MYCBP2: variants seen among roughly 807,000 people sequenced by gnomAD.
MYCBP2 encodes the protein E3 ubiquitin-protein ligase MYCBP2.
MYCBP2 carries 120 observed loss-of-function variants against 525.3 expected under a neutral mutation model. The ratio of observed to expected loss-of-function variants is 0.23; its 90% CI spans 0.20 to 0.27. MYCBP2 has a LOEUF of 0.27. Among genes scored for constraint, MYCBP2 ranks in the 10% least tolerant of loss-of-function variants. The pLI is 1.00. For synonymous variants in MYCBP2, 1,894 were observed against 1,955.8 expected, an observed-to-expected ratio of 0.97 and a Z score of 0.83; for missense variants, 4,149 against 5,657.1, an observed-to-expected ratio of 0.73 and a Z score of 8.55.
chr13:77,260,749 A>G (rs1253198598), intron 12 of MYCBP2, among the ~76,000 whole-genome samples, 157 bp from the exon 13 acceptor site: 1 of 152,168 alleles, frequency 6.6e-6, no homozygotes, highest in Non-Finnish European at 1.5e-5. Context: ...ATGTCATTTA[A>G]AATCAGTGAA....
In MYCBP2 at chr13:77,176,642, ATG is replaced by A; in HGVS notation, c.5341-16_5341-15del. 1 of 1,478,060 alleles carries A rather than the reference ATG, an allele frequency of 6.8e-7. No individual in the cohort carries two copies. The highest frequency in any genetic ancestry group is 9.1e-7 in the Non-Finnish European group (1 of 1,104,612). 91.6% of individuals were successfully genotyped at this position (1,478,060 alleles called of 1,614,324 possible). On this transcript the variant is annotated splice_polypyrimidine_tract_variant and intron_variant, in intron 35 of 82. Coordinates refer to ENST00000544440, the MANE Select transcript of MYCBP2 (RefSeq NM_015057.5). ...TGCATGTTCACTCTAAAAAAAAAAA[ATG>A]AAACACAAAAATTCCAACAGACTCT...
At position 77,062,645 on chromosome 13, in the gene MYCBP2, C is replaced by T; in HGVS notation, c.12725G>A (p.Arg4242His). The change falls in exon 74 of 83, where the codon CGT becomes CAT. Residue 4242 changes from arginine (R) to histidine (H), a missense_variant. Arg to His is a conservative substitution (Grantham distance 29, BLOSUM62 0). Around this residue, in one of 21 missense-constraint regions of MYCBP2, gnomAD observed 220 missense variants for 396.0 expected, o/e 0.56. Transcript: ENST00000544440. ...LCVLDQDHVD[R>H]LSSGRWMGKD... ...TCCCATCCATCTCCCCGAGGAGAGA[C>T]GATCTACGTGGTCCTGATCAAGAAC... is the stretch of plus-strand genomic sequence containing the variant. The T allele has an allele frequency of 6.2e-7, 1 of 1,614,186 alleles. No individual in the cohort carries two copies. Among genetic ancestry groups the T allele is most frequent in the Non-Finnish European group, 8.5e-7 (1 of 1,180,024 alleles).
intron 72 of MYCBP2, 80 bp downstream of exon 72, chr13:77,065,912 C>T (rs1200519893): frequency 6.5e-6 from 6 of 926,076 alleles, no homozygotes; most frequent in Admixed American, 4.3e-5. Flanking sequence ...TCTACATCTC[C>T]TATCAATTCA....
At chr13:77,070,588 A>G in intron 69 of MYCBP2, 43 bp downstream of exon 69, 1 of 1,383,962 alleles carries the variant, frequency 7.2e-7, no homozygotes, top group Non-Finnish European at 1.0e-6. Flanking sequence ...ACACACACAC[A>G]CACACAAAAC....
Position 77,057,079 on chromosome 13 carries a change from G to A in MYCBP2, c.13344C>T (p.His4448=). The change falls in exon 79 of 83, where the codon CAC becomes CAT. Residue 4448 remains histidine (H), a synonymous_variant. Transcript: ENST00000544440. ...GCCGACAGCACTGTAAGTGGAATATGTGACTACAATCCAGCTTAAATAAAC... is the reference window on the plus strand; with the variant it reads ...GCCGACAGCACTGTAAGTGGAATATATGACTACAATCCAGCTTAAATAAAC... The part of the protein sequence containing the change: ...AAPAIQLDCS[H]IFHLQCCRRV... 1 of 1,612,402 alleles carries A rather than the reference G, an allele frequency of 6.2e-7. No homozygotes were observed. Among genetic ancestry groups the A allele is most frequent in the Non-Finnish European group, 8.5e-7 (1 of 1,178,596 alleles).
intron 1 of MYCBP2, among the ~76,000 whole-genome samples, chr13:77,305,257 A>G (rs2079262259): frequency 6.6e-6 from 1 of 152,102 alleles, no homozygotes; most frequent in Non-Finnish European, 1.5e-5. Flanking sequence ...AGAAGCAAAA[A>G]TACTGCACAG....
At position 77,168,456 on chromosome 13, in the gene MYCBP2, T is replaced by C; in HGVS notation, c.6086A>G (p.Tyr2029Cys). Residue 2029 changes from tyrosine to cysteine, a missense_variant, in exon 40 of 83, where the codon TAT becomes TGT. This residue lies in a region of MYCBP2 where 692 missense variants were observed against 852.7 expected (regional missense o/e 0.81). Coordinates refer to ENST00000544440, the MANE Select transcript of MYCBP2 (RefSeq NM_015057.5). ...HYAVIESEHP[Y>C]KPACVMHYKV... Reference sequence around the variant, plus strand: ...GTAATGCATCACACAGGCAGGTTTATACGGGTGCTCACTCTCTATGACAGC... The same window carrying C: ...GTAATGCATCACACAGGCAGGTTTACACGGGTGCTCACTCTCTATGACAGC... 6.2e-7 allele frequency: 1 copy of C among 1,614,166 alleles called. No individual in the cohort carries two copies. Among genetic ancestry groups the C allele is most frequent in the Non-Finnish European group, 8.5e-7 (1 of 1,180,036 alleles).
chr13:77,298,611 C>CAA (rs1205089131), intron 1 of MYCBP2, among the ~76,000 whole-genome samples: 1 of 152,126 alleles, frequency 6.6e-6, no homozygotes, highest in Non-Finnish European at 1.5e-5. Context: ...ATGCCTTACT[C>CAA]AGAGATTAAA....
Position 77,068,782 on chromosome 13 carries a change from C to A in MYCBP2, c.11954G>T (p.Arg3985Leu), listed in dbSNP as rs775792091. Residue 3985 changes from arginine (R) to leucine (L), a missense_variant, in exon 70 of 83, where the codon CGT becomes CTT. By Grantham distance (102) the Arg-to-Leu change is moderately radical (BLOSUM62 -2). Coordinates refer to ENST00000544440, the MANE Select transcript of MYCBP2 (RefSeq NM_015057.5). ...TGATATAGCATGTTCCCATTCTTCA[C>A]GGACTCTGGTAGCTTCCATGCGAAT... Reference protein sequence around the residue: ...QAIRMEATRVREEWEHAISSK... With the variant: ...QAIRMEATRVLEEWEHAISSK... 1.9e-6 allele frequency: 3 copies of A among 1,614,112 alleles called. No individual in the cohort carries two copies. Among genetic ancestry groups the A allele is most frequent in the South Asian group, 1.1e-5 (1 of 91,082 alleles).
chr13:77,087,145 A>C (rs1302255573), intron 62 of MYCBP2, among the ~76,000 whole-genome samples: 1 of 152,190 alleles, frequency 6.6e-6, no homozygotes, highest in Non-Finnish European at 1.5e-5. Flanking sequence ...AATGCCATTC[A>C]CATAATTTCA....
At chr13:77,138,003 A>C (rs2054020349) in intron 52 of MYCBP2, among the ~76,000 whole-genome samples, 1 of 152,246 alleles carries the variant, frequency 6.6e-6, no homozygotes, top group Non-Finnish European at 1.5e-5. Flanking sequence ...ACACTTTCAT[A>C]GAGGGTCAAA....
At chr13:77,254,712 C>G (rs2071853467) in intron 14 of MYCBP2, among the ~76,000 whole-genome samples, 1 of 151,724 alleles carries the variant, frequency 6.6e-6, no homozygotes, top group African/African-American at 2.4e-5. Flanking sequence ...TATTCCTTCT[C>G]TCTAACTGTA....
intron 1 of MYCBP2, among the ~76,000 whole-genome samples, chr13:77,314,934 A>AT (rs1031352893): frequency 1.3e-5 from 2 of 152,012 alleles, no homozygotes; most frequent in Non-Finnish European, 2.9e-5. Flanking sequence ...TTAAAAAAAT[A>AT]TTTTTTTTAA....
At chr13:77,051,487 TCTCACAGATGTA>T (rs2036807344) in intron 81 of MYCBP2, among the ~76,000 whole-genome samples, 1 of 152,240 alleles carries the variant, frequency 6.6e-6, no homozygotes, top group Non-Finnish European at 1.5e-5. Flanking sequence ...TCTCTTATAA[TCTCACAGATGTA>T]CTGTGAACAT....
intron 2 of MYCBP2, among the ~76,000 whole-genome samples, chr13:77,292,530 TA>T (rs35251022): frequency 2.7e-5 from 4 of 149,702 alleles, no homozygotes; most frequent in African/African-American, 4.9e-5. Flanking sequence ...ACACCAGATT[TA>T]AAAAAAAAAG....
chr13:77,324,562 G>T (rs1010407064), intron 1 of MYCBP2, among the ~76,000 whole-genome samples: 1 of 152,202 alleles, frequency 6.6e-6, no homozygotes, highest in East Asian at 1.9e-4. Context: ...ATAATGTTGC[G>T]TTGAACAAGC....
At chr13:77,297,376 A>G (rs1309630615) in intron 1 of MYCBP2, among the ~76,000 whole-genome samples, 1 of 152,242 alleles carries the variant, frequency 6.6e-6, no homozygotes, top group African/African-American at 2.4e-5. Context: ...CTTGTCCCCA[A>G]GGAGCTCAGA....
intron 55 of MYCBP2, among the ~76,000 whole-genome samples, chr13:77,119,610 T>A (rs1400514595): frequency 2.0e-5 from 3 of 152,210 alleles, no homozygotes; most frequent in Non-Finnish European, 4.4e-5. Context: ...TGGGAACTAC[T>A]GTTACAGATA....
Position 77,059,074 on chromosome 13 carries a change from T to TA in MYCBP2, c.13140+448dup, listed in dbSNP as rs60594552. Among the ~76,000 whole-genome samples the TA allele has an allele frequency of 3.1e-4, 47 of 151,634 alleles. No homozygotes were observed. The East Asian group carries it at 8.9e-3, about 29-fold the overall frequency. On this transcript the variant is annotated intron_variant, in intron 77 of 82. Transcript: ENST00000544440. ...CCAAAATGCAGATTTTTTTTTTTTT[T>TA]AAAAAGGTACCTTTGACTCTCTGAG...
Sources: allele counts gnomAD v4.1 joint callset (sites outside exome capture counted in the v4.1 genomes callset), GRCh38; gene constraint gnomAD v4.1.1; regional missense constraint gnomAD v4.1.1; transcripts MANE v1.5; gene names NCBI Gene and HGNC (gene_info 2026-07-23, HGNC 2026-07-21).